Variants in KCNN2 observed in about 807,000 individuals in gnomAD.
KCNN2 encodes the protein small conductance calcium-activated potassium channel protein 2.
A neutral mutation model predicts 55.5 loss-of-function variants in KCNN2; 24 were observed. The observed-to-expected ratio is 0.43, with a 90% confidence interval of 0.31 to 0.61. KCNN2 has a LOEUF of 0.61. Ranked by LOEUF, KCNN2 falls within the 20% of genes least tolerant of loss-of-function variation. The probability of loss-of-function intolerance (pLI) is 0.08; values close to 1 mark genes in which losing one functional copy is unlikely to be tolerated. For missense variants in KCNN2, 754 were observed against 853.6 expected (o/e 0.88, Z 1.45); for synonymous variants, 431 against 336.1 (o/e 1.28, Z -3.09).
intron 3 of KCNN2, among the ~76,000 whole-genome samples, chr5:114,418,712 C>G (rs372984136): frequency 5.1e-4 from 77 of 152,132 alleles, no homozygotes; most frequent in African/African-American, 1.8e-3. Flanking sequence ...ATGAAACTGT[C>G]CATGTGCTAA....
chr5:114,263,859 A>C (rs1755158804), intron 2 of KCNN2, among the ~76,000 whole-genome samples: 1 of 152,186 alleles, frequency 6.6e-6, no homozygotes. Context: ...TTCAGCAAAG[A>C]GGCTATTGTC....
intron 1 of KCNN2, among the ~76,000 whole-genome samples, chr5:114,195,216 C>G (rs1166860171): frequency 6.8e-6 from 1 of 147,420 alleles, no homozygotes; most frequent in Non-Finnish European, 1.5e-5. Context: ...TGATTTCTGC[C>G]GAAAAAAAAA....
intron 2 of KCNN2, among the ~76,000 whole-genome samples, chr5:114,366,529 G>A (rs1353785707): frequency 6.6e-6 from 1 of 152,056 alleles, no homozygotes; most frequent in Admixed American, 6.5e-5. Context: ...AAATGGAGAA[G>A]GGCCAAACAA....
chr5:114,294,532 G>A (rs1201288513), intron 2 of KCNN2, among the ~76,000 whole-genome samples: 1 of 151,732 alleles, frequency 6.6e-6, no homozygotes, highest in Non-Finnish European at 1.5e-5. Context: ...CTGAGTTCTA[G>A]TTTGATTGCA....
intron 1 of KCNN2, among the ~76,000 whole-genome samples, chr5:114,114,446 C>G (rs1751672949): frequency 6.6e-6 from 1 of 151,618 alleles, no homozygotes; most frequent in African/African-American, 2.4e-5. Context: ...GCTTTGTTGC[C>G]CAGGTTGGCT....
intron 2 of KCNN2, among the ~76,000 whole-genome samples, chr5:114,400,768 C>A (rs137962208): frequency 1.2e-3 from 181 of 152,234 alleles, no homozygotes; most frequent in African/African-American, 4.2e-3. Flanking sequence ...GAATATTATT[C>A]CTCTGGTTGT....
At chr5:114,176,320 A>C (rs753362438) in intron 1 of KCNN2, among the ~76,000 whole-genome samples, 139 of 152,290 alleles carry the variant, frequency 9.1e-4, no homozygotes, top group Admixed American at 3.5e-3. Context: ...GCTTATAATC[A>C]TAAGTTTTTT....
At chr5:114,292,004 T>C (rs1755899952) in intron 2 of KCNN2, among the ~76,000 whole-genome samples, 1 of 152,082 alleles carries the variant, frequency 6.6e-6, no homozygotes, top group Non-Finnish European at 1.5e-5. Flanking sequence ...GAGAAGTGTC[T>C]GTTCATATCC....
chr5:114,333,904 T>C (rs1213933824), intron 2 of KCNN2, among the ~76,000 whole-genome samples: 3 of 152,160 alleles, frequency 2.0e-5, no homozygotes, highest in Non-Finnish European at 4.4e-5. Flanking sequence ...GAGCCCATTG[T>C]TTTTTTCTTC....
rs1304053869 is a variant in KCNN2 at position 114,354,412 on chromosome 5, A to G, written c.-184-6533A>G. Among the ~76,000 whole-genome samples the G allele has an allele frequency of 2.0e-5, 3 of 152,114 alleles. No homozygotes were observed. In the East Asian group the frequency reaches 5.8e-4, roughly 29 times the overall value. ...AAAATTGTTTGGAAAGTTGGGGCAG[A>G]GGATGACCTTCTTCCCTCTGAATGA... On this transcript the variant is annotated intron_variant, in intron 2 of 10. Transcript: ENST00000512097.
At chr5:114,339,018 G>A (rs1756972085) in intron 2 of KCNN2, among the ~76,000 whole-genome samples, 1 of 152,254 alleles carries the variant, frequency 6.6e-6, no homozygotes, top group Non-Finnish European at 1.5e-5. Context: ...TATGCGGTCA[G>A]TCATTGGTGG....
intron 5 of KCNN2, among the ~76,000 whole-genome samples, chr5:114,485,536 G>A (rs1762404110): frequency 6.6e-6 from 1 of 152,194 alleles, no homozygotes; most frequent in South Asian, 2.1e-4. Context: ...CCGGCTGTCT[G>A]AGGAAGTGGA....
At chr5:114,104,204 T>C (rs554988715) in intron 1 of KCNN2, among the ~76,000 whole-genome samples, 1 of 152,318 alleles carries the variant, frequency 6.6e-6, no homozygotes, top group East Asian at 1.9e-4. Flanking sequence ...TTTTCTGGTT[T>C]ATTTTCTAAG....
intron 1 of KCNN2, among the ~76,000 whole-genome samples, chr5:114,158,854 A>G (rs941908600): frequency 2.6e-5 from 4 of 152,152 alleles, no homozygotes; most frequent in Non-Finnish European, 5.9e-5. Context: ...CATTGGTTTT[A>G]TATCCTGAGA....
chr5:114,294,959 A>G (rs1192364166), intron 2 of KCNN2, among the ~76,000 whole-genome samples: 4 of 151,754 alleles, frequency 2.6e-5, no homozygotes, highest in Non-Finnish European at 4.4e-5. Flanking sequence ...ATCTTTGTTG[A>G]TTTAAAGTCT....
chr5:114,314,449 A>G (rs1756460357), intron 2 of KCNN2, among the ~76,000 whole-genome samples: 1 of 152,054 alleles, frequency 6.6e-6, no homozygotes, highest in African/African-American at 2.4e-5. Flanking sequence ...TTTCTACCCT[A>G]AAAATGTCCC....
At chr5:114,410,411 T>C (rs1175225664) in intron 3 of KCNN2, among the ~76,000 whole-genome samples, 10 of 152,188 alleles carry the variant, frequency 6.6e-5, no homozygotes, top group Non-Finnish European at 1.3e-4. Context: ...GGAGTTTTGT[T>C]TCTTTTTCAC....
chr5:114,399,037 T>C (rs973608324), intron 2 of KCNN2, among the ~76,000 whole-genome samples: 1 of 152,210 alleles, frequency 6.6e-6, no homozygotes, highest in Non-Finnish European at 1.5e-5. Flanking sequence ...ATTTTATTTC[T>C]TTCTCTTACA....
chr5:114,380,939 G>T (rs1432170124), intron 2 of KCNN2, among the ~76,000 whole-genome samples: 1 of 152,200 alleles, frequency 6.6e-6, no homozygotes, highest in Non-Finnish European at 1.5e-5. Context: ...GGGCTGAGCA[G>T]CCTCGTGAAC....
Sources: gnomAD v4.1 joint callset for allele counts (sites outside exome capture counted in the v4.1 genomes callset) on GRCh38, gnomAD v4.1.1 for gene constraint, MANE v1.5 for transcripts, NCBI Gene and HGNC (gene_info 2026-07-23, HGNC 2026-07-21) for gene names.